The following PHACTR1 variants were observed in gnomAD, a reference collection of about 807,000 sequenced individuals.
PHACTR1 encodes the protein phosphatase and actin regulator 1.
PHACTR1 carries 16 observed loss-of-function variants against 69.2 expected under a neutral mutation model. The ratio of observed to expected loss-of-function variants is 0.23; its 90% confidence interval spans 0.16 to 0.35. PHACTR1 has a LOEUF of 0.35. Among genes scored for constraint, PHACTR1 ranks in the 10% least tolerant of loss-of-function variants. The pLI is 1.00. For missense variants in PHACTR1, 510 were observed against 734.7 expected, an observed-to-expected ratio of 0.69 and a Z score of 3.54; for synonymous variants, 312 against 284.5, an observed-to-expected ratio of 1.10 and a Z score of -0.97.
intron 4 of PHACTR1, among the ~76,000 whole-genome samples, chr6:12,863,399 T>C (rs1230025498): frequency 3.3e-5 from 5 of 152,170 alleles, no homozygotes; most frequent in Non-Finnish European, 5.9e-5. Flanking sequence ...TCAGGGGGAT[T>C]CATGACCTCC....
At chr6:12,950,803 C>CA (rs1791198533) in intron 4 of PHACTR1, among the ~76,000 whole-genome samples, 3 of 152,202 alleles carry the variant, frequency 2.0e-5, no homozygotes, top group African/African-American at 7.2e-5. Context: ...CACCTGGCCC[C>CA]AGTGAGCAAG....
intron 3 of PHACTR1, among the ~76,000 whole-genome samples, chr6:12,738,528 C>G (rs1764607068): frequency 4.6e-5 from 7 of 152,198 alleles, no homozygotes; most frequent in Admixed American, 2.6e-4. Context: ...ACTTCTGGCA[C>G]TTCCTCCACG....
At chr6:13,155,304 C>G (rs954960453) in intron 5 of PHACTR1, among the ~76,000 whole-genome samples, 3 of 152,196 alleles carry the variant, frequency 2.0e-5, no homozygotes, top group Admixed American at 6.5e-5. Flanking sequence ...AGTATATAAG[C>G]CCTGGGTCTG....
At chr6:12,911,982 T>G (rs1786460700) in intron 4 of PHACTR1, among the ~76,000 whole-genome samples, 1 of 152,152 alleles carries the variant, frequency 6.6e-6, no homozygotes, top group Non-Finnish European at 1.5e-5. Flanking sequence ...AAGCTGCATT[T>G]TATTTATTTA....
chr6:12,760,033 T>G (rs1006992026), intron 4 of PHACTR1, among the ~76,000 whole-genome samples: 1 of 152,238 alleles, frequency 6.6e-6, no homozygotes, highest in Non-Finnish European at 1.5e-5. Context: ...ATTAAATAAG[T>G]GTAAAGCACT....
chr6:12,749,834 C>G, intron 4 of PHACTR1, 44 bp downstream of exon 4: 1 of 1,482,838 alleles, frequency 6.7e-7, no homozygotes, highest in East Asian at 2.4e-5. Context: ...CGCCCTGCTC[C>G]CTCCCTCCCC....
At chr6:12,808,442 G>C (rs532219279) in intron 4 of PHACTR1, among the ~76,000 whole-genome samples, 2 of 152,250 alleles carry the variant, frequency 1.3e-5, no homozygotes, top group African/African-American at 2.4e-5. Flanking sequence ...TAATAACGTT[G>C]CCAGAAGATT....
intron 4 of PHACTR1, among the ~76,000 whole-genome samples, chr6:12,934,587 G>A (rs1789233802): frequency 6.6e-6 from 1 of 152,186 alleles, no homozygotes; most frequent in South Asian, 2.1e-4. Flanking sequence ...TGTAATCCCA[G>A]CACTTTGGGA....
intron 5 of PHACTR1, among the ~76,000 whole-genome samples, chr6:13,059,203 C>G (rs763719010): frequency 6.6e-6 from 1 of 152,016 alleles, no homozygotes; most frequent in Non-Finnish European, 1.5e-5. Flanking sequence ...GGCACCCTGC[C>G]AAGTGAAACA....
At chr6:13,263,368 T>C (rs1023824724) in intron 10 of PHACTR1, among the ~76,000 whole-genome samples, 14 of 144,566 alleles carry the variant, frequency 9.7e-5, no homozygotes, top group Admixed American at 2.8e-4. Context: ...GCAAGATCCA[T>C]TCTTAAATTT....
chr6:13,283,158 TAA>T lies in PHACTR1; in HGVS notation c.1510-254_1510-253del, dbSNP rs11285910. ...CATAATAAAAGATTTTTTTTAAGTT[TAA>T]AAAAAAAAAGAGCTTGGCCTAGAGG... is the stretch of plus-strand genomic sequence containing the variant. On this transcript the variant is annotated intron_variant, in intron 12 of 14. Coordinates refer to ENST00000332995, the MANE Select transcript of PHACTR1 (RefSeq NM_030948.6). The surrounding 1 kb of genome is among the most constrained non-coding windows in gnomAD (Gnocchi z 4.7). 84 of 246,456 alleles carry T rather than the reference TAA, an allele frequency of 3.4e-4. No individual in the cohort carries two copies. The highest frequency in any genetic ancestry group is 1.2e-3 in the Middle Eastern group (1 of 816). The allele number at this position is 246,456 out of a possible 1,614,324, so 15.3% of individuals were successfully genotyped here. A position where few individuals can be genotyped will look rare whatever the true frequency, so the allele number is the denominator to read the frequency against.
At chr6:12,998,058 T>G (rs1478216885) in intron 4 of PHACTR1, among the ~76,000 whole-genome samples, 1 of 152,176 alleles carries the variant, frequency 6.6e-6, no homozygotes, top group Non-Finnish European at 1.5e-5. Context: ...ATTTAAAATA[T>G]TCAATATAAC....
At chr6:13,017,227 G>C (rs1312936558) in intron 4 of PHACTR1, among the ~76,000 whole-genome samples, 2 of 134,262 alleles carry the variant, frequency 1.5e-5, no homozygotes, top group East Asian at 4.1e-4. Flanking sequence ...CAACAACCAA[G>C]ACACTTTCCA....
intron 8 of PHACTR1, among the ~76,000 whole-genome samples, chr6:13,222,522 G>GTC (rs1768836057): frequency 1.3e-5 from 2 of 152,360 alleles, no homozygotes; most frequent in Admixed American, 1.3e-4. Context: ...ACTCACATGA[G>GTC]AGGATCTGGA....
chr6:13,133,239 CTCCCTT>C (rs1301424310), intron 5 of PHACTR1, among the ~76,000 whole-genome samples: 4,450 of 54,216 alleles, frequency 0.082, 600 homozygotes, highest in African/African-American at 0.18. Flanking sequence ...CCCTCTCCCT[CTCCCTT>C]TCCCTCTCCC....
intron 7 of PHACTR1, among the ~76,000 whole-genome samples, chr6:13,199,409 A>C (rs1351475942): frequency 7.4e-6 from 1 of 134,600 alleles, no homozygotes; most frequent in Non-Finnish European, 1.6e-5. Flanking sequence ...AAAAAAAAAA[A>C]AAACATTGGC....
At chr6:12,835,313 T>G (rs939787904) in intron 4 of PHACTR1, among the ~76,000 whole-genome samples, 1 of 152,018 alleles carries the variant, frequency 6.6e-6, no homozygotes, top group Non-Finnish European at 1.5e-5. Flanking sequence ...TGTCAGAGTG[T>G]GAGGCTTGGG....
intron 5 of PHACTR1, among the ~76,000 whole-genome samples, chr6:13,055,364 G>C (rs987528856): frequency 1.3e-5 from 2 of 152,112 alleles, no homozygotes; most frequent in Non-Finnish European, 2.9e-5. Flanking sequence ...TTACAAGTGA[G>C]CAAAACTCCA....
chr6:13,070,237 G>T (rs925916879), intron 5 of PHACTR1, among the ~76,000 whole-genome samples: 3 of 152,064 alleles, frequency 2.0e-5, no homozygotes, highest in Non-Finnish European at 4.4e-5. Context: ...ATATGCATTG[G>T]TGTCTTTTGG....
Sources: gnomAD v4.1 joint callset for allele counts (sites outside exome capture counted in the v4.1 genomes callset) on GRCh38, gnomAD v4.1.1 for gene constraint, Gnocchi (gnomAD v3.1) non-coding constraint, MANE v1.5 for transcripts, NCBI Gene and HGNC (gene_info 2026-07-23, HGNC 2026-07-21) for gene names.